Variants in ADAMTS9 observed in about 807,000 individuals in gnomAD.
ADAMTS9 encodes A disintegrin and metalloproteinase with thrombospondin motifs 9.
A neutral mutation model predicts 257.1 loss-of-function variants in ADAMTS9; 107 were observed. That is an observed-to-expected ratio of 0.42 (90% CI 0.36 to 0.49). ADAMTS9 has a LOEUF of 0.49. Among genes scored for constraint, ADAMTS9 ranks in the 20% least tolerant of loss-of-function variants. The pLI, the probability that ADAMTS9 is intolerant of heterozygous loss-of-function variation, is 0.03. For synonymous variants in ADAMTS9, 982 were observed against 880.9 expected, an observed-to-expected ratio of 1.11 and a Z score of -2.03; for missense variants, 2,353 against 2,469.1, an observed-to-expected ratio of 0.95 and a Z score of 1.00.
At chr3:64,561,808 G>T in intron 29 of ADAMTS9, 57 bp from the exon 30 acceptor site, 3 of 1,203,824 alleles carry the variant, frequency 2.5e-6, no homozygotes, top group Non-Finnish European at 3.5e-6. Context: ...TTGGGGGGGC[G>T]GGGGGTGTCG....
In ADAMTS9 at chr3:64,621,250, A is replaced by G. The variant is rs370553075; in HGVS notation, c.2687-10T>C. The G allele has an allele frequency of 7.5e-6, 12 of 1,606,074 alleles. No individual in the cohort carries two copies. The highest frequency in any genetic ancestry group is 4.1e-5 in the African/African-American group (3 of 73,098). Reference sequence around the variant, plus strand: ...TTTCGTTTCCGTTCCCCTAAGCAGAAAGGGAAAAAAAATTATTCAGGGAAA... The same window carrying G: ...TTTCGTTTCCGTTCCCCTAAGCAGAGAGGGAAAAAAAATTATTCAGGGAAA... On this transcript the variant is annotated splice_polypyrimidine_tract_variant and intron_variant, in intron 18 of 39. Transcript: ENST00000498707.
intron 30 of ADAMTS9, among the ~76,000 whole-genome samples, chr3:64,558,913 TG>T (rs1559762918): frequency 1.3e-5 from 2 of 152,042 alleles, no homozygotes; most frequent in East Asian, 3.9e-4. Flanking sequence ...TCACTAGGTG[TG>T]GGAGAAAAGT....
intron 3 of ADAMTS9, among the ~76,000 whole-genome samples, chr3:64,661,798 T>C (rs941246110): frequency 6.6e-6 from 1 of 151,998 alleles, no homozygotes; most frequent in Non-Finnish European, 1.5e-5. Context: ...ACTTATACTG[T>C]GAAAAATAAA....
At chr3:64,546,982 T>A in intron 31 of ADAMTS9, 30 bp from the exon 32 acceptor site, 1 of 1,582,984 alleles carries the variant, frequency 6.3e-7, no homozygotes, top group African/African-American at 1.3e-5. Context: ...GAGGAGAGGT[T>A]CGAGCAGTTC....
intron 28 of ADAMTS9, among the ~76,000 whole-genome samples, chr3:64,585,585 A>G (rs548239566): frequency 5.9e-5 from 9 of 152,276 alleles, no homozygotes; most frequent in African/African-American, 1.7e-4. Context: ...ACCATTTTTC[A>G]TAATTCACTT....
chr3:64,605,027 T>C (rs1404324994), intron 23 of ADAMTS9, among the ~76,000 whole-genome samples: 1 of 152,260 alleles, frequency 6.6e-6, no homozygotes, highest in Non-Finnish European at 1.5e-5. Context: ...AATGCCTGAG[T>C]GTGCTGTACA....
Position 64,616,064 on chromosome 3 carries a change from T to C in ADAMTS9, c.2920A>G (p.Lys974Glu). Residue 974 changes from lysine (K) to glutamate (E), a missense_variant, in exon 20 of 40, where the codon AAG (lysine) becomes GAG (glutamate). Coordinates refer to ENST00000498707, the MANE Select transcript of ADAMTS9 (RefSeq NM_182920.2). Reference sequence around the variant, plus strand: ...CTGCTGCAAAAACCATCATCAACCTTCTCAGTCTTCCCATCCAGCCTGCTA... The same window carrying C: ...CTGCTGCAAAAACCATCATCAACCTCCTCAGTCTTCCCATCCAGCCTGCTA... ...KYSRLDGKTE[K>E]VDDGFCSSHP... is the part of the protein sequence containing the mutation. The C allele has an allele frequency of 6.2e-7, 1 of 1,614,098 alleles. No individual in the cohort carries two copies. Among genetic ancestry groups the C allele is most frequent in the Non-Finnish European group, 8.5e-7 (1 of 1,179,984 alleles).
intron 16 of ADAMTS9, among the ~76,000 whole-genome samples, chr3:64,627,199 C>A (rs989276285): frequency 6.6e-6 from 1 of 152,080 alleles, no homozygotes; most frequent in African/African-American, 2.4e-5. Flanking sequence ...TTTGGGGGGT[C>A]TTTTCCAATG....
intron 3 of ADAMTS9, among the ~76,000 whole-genome samples, chr3:64,671,502 TAAA>T (rs1337985742): frequency 6.6e-6 from 1 of 151,988 alleles, no homozygotes; most frequent in Admixed American, 6.5e-5. Context: ...GAATGGAAAA[TAAA>T]AAGATTTTTC....
At chr3:64,567,717 C>T (rs1422739414) in intron 29 of ADAMTS9, among the ~76,000 whole-genome samples, 3 of 152,028 alleles carry the variant, frequency 2.0e-5, no homozygotes, top group African/African-American at 7.3e-5. Context: ...CCATCCCATA[C>T]ACACATCACA....
intron 10 of ADAMTS9, among the ~76,000 whole-genome samples, chr3:64,648,690 C>G (rs544436313): frequency 1.3e-5 from 2 of 152,146 alleles, no homozygotes; most frequent in Non-Finnish European, 2.9e-5. Flanking sequence ...TTTTTCTCCC[C>G]TTTTAGAGTT....
At chr3:64,594,501 C>T (rs2084325455) in intron 27 of ADAMTS9, 67 bp from the exon 28 acceptor site, 1 of 1,569,198 alleles carries the variant, frequency 6.4e-7, no homozygotes, top group African/African-American at 1.4e-5. Flanking sequence ...TTCCTTTCTC[C>T]CTAATTTCTT....
At chr3:64,566,285 G>A (rs1044153719) in intron 29 of ADAMTS9, among the ~76,000 whole-genome samples, 1 of 152,126 alleles carries the variant, frequency 6.6e-6, no homozygotes, top group Non-Finnish European at 1.5e-5. Flanking sequence ...TTATTTTCAG[G>A]TACACTTCTA....
intron 24 of ADAMTS9, 57 bp from the exon 25 acceptor site, chr3:64,604,146 C>A (rs2084515804): frequency 1.2e-6 from 2 of 1,600,364 alleles, no homozygotes; most frequent in Non-Finnish European, 1.7e-6. Flanking sequence ...GCTTACTGGA[C>A]AGTAGCCCAC....
intron 14 of ADAMTS9, 122 bp downstream of exon 14, chr3:64,633,350 T>C (rs1576141239): frequency 6.9e-7 from 1 of 1,441,840 alleles, no homozygotes; most frequent in East Asian, 2.3e-5. Flanking sequence ...GGGCCACACT[T>C]TGAGAACCAC....
chr3:64,578,404 A>G (rs2083911138), intron 28 of ADAMTS9, among the ~76,000 whole-genome samples: 1 of 152,164 alleles, frequency 6.6e-6, no homozygotes, highest in Non-Finnish European at 1.5e-5. Context: ...AAAGGCTAAA[A>G]TTACATTTGA....
chr3:64,577,174 C>G (rs1160222079), intron 28 of ADAMTS9, among the ~76,000 whole-genome samples: 2 of 152,150 alleles, frequency 1.3e-5, no homozygotes, highest in African/African-American at 2.4e-5. Context: ...CCAAGGAAAT[C>G]TGCAAATGTA....
chr3:64,681,067 C>T, intron 3 of ADAMTS9, 134 bp downstream of exon 3: 3 of 1,036,076 alleles, frequency 2.9e-6, no homozygotes, highest in Non-Finnish European at 2.7e-6. Flanking sequence ...TGTATCCCTA[C>T]ATCATTTGAG....
chr3:64,520,608 T>A (rs1575972039), intron 39 of ADAMTS9, among the ~76,000 whole-genome samples: 6 of 152,038 alleles, frequency 3.9e-5, no homozygotes, highest in African/African-American at 1.4e-4. Flanking sequence ...GACACAAAAA[T>A]TAATGGAACA....
Sources: gnomAD v4.1 joint callset for allele counts (sites outside exome capture counted in the v4.1 genomes callset) on GRCh38, gnomAD v4.1.1 for gene constraint, MANE v1.5 for transcripts, NCBI Gene and HGNC (gene_info 2026-07-23, HGNC 2026-07-21) for gene names.